DLC1: variants seen among roughly 807,000 people sequenced by gnomAD.
DLC1 encodes DLC1 Rho GTPase activating protein, also known as rho GTPase-activating protein 7.
In DLC1, 54 loss-of-function variants were observed where a neutral mutation model predicts 140.3. That is an observed-to-expected ratio of 0.38 (90% CI 0.31 to 0.48). DLC1 has a LOEUF of 0.48. Ranked by LOEUF, DLC1 falls within the 20% of genes least tolerant of loss-of-function variation. The pLI is 0.96. For missense variants in DLC1, 2,536 were observed against 1,907.0 expected (o/e 1.33, Z -6.14); for synonymous variants, 986 against 728.1 (o/e 1.35, Z -5.70).
In DLC1 at chr8:13,298,107, G is replaced by A. The variant is rs1832038022; in HGVS notation, c.1348+7162C>T. Among the ~76,000 whole-genome samples the A allele has an allele frequency of 2.0e-5, 3 of 152,172 alleles. No individual in the cohort carries two copies. In the South Asian group the frequency reaches 6.2e-4, roughly 32 times the overall value. ...ACAACACAAAGTTTGGAGAGACCGT[G>A]ACTCTGGTATATGCTTCTGAAAGCT... On this transcript the variant is annotated intron_variant, in intron 5 of 17. Transcript: ENST00000276297.
intron 5 of DLC1, among the ~76,000 whole-genome samples, chr8:13,300,023 G>A (rs1362748915): frequency 6.6e-6 from 1 of 152,132 alleles, no homozygotes; most frequent in African/African-American, 2.4e-5. Flanking sequence ...CAAAGACATG[G>A]AATCAACCCA....
At chr8:13,493,749 C>T (rs1223049738) in intron 2 of DLC1, among the ~76,000 whole-genome samples, 1 of 152,110 alleles carries the variant, frequency 6.6e-6, no homozygotes, top group African/African-American at 2.4e-5. Context: ...CAGTCAGCCT[C>T]CTACTTTGGT....
intron 1 of DLC1, chr8:13,558,849 C>T: frequency 6.6e-6 from 1 of 152,144 alleles, no homozygotes; most frequent in East Asian, 1.9e-4. Context: ...TGAGTGAGTT[C>T]AGGAGGGCCG....
intron 2 of DLC1, among the ~76,000 whole-genome samples, chr8:13,483,598 C>T (rs1394593750): frequency 6.6e-6 from 1 of 151,990 alleles, no homozygotes; most frequent in African/African-American, 2.4e-5. Context: ...GGAGAGCTTT[C>T]AGGGAGAGAG....
At chr8:13,109,573 TA>T (rs1330538802) in intron 7 of DLC1, among the ~76,000 whole-genome samples, 1 of 129,758 alleles carries the variant, frequency 7.7e-6, no homozygotes, top group African/African-American at 2.8e-5. Flanking sequence ...TAAAAAAAAA[TA>T]AAATAAAAAA....
chr8:13,377,430 AG>A (rs1836048163), intron 4 of DLC1, among the ~76,000 whole-genome samples: 2 of 152,192 alleles, frequency 1.3e-5, no homozygotes, highest in African/African-American at 4.8e-5. Context: ...TGTTGTAAGG[AG>A]GACAGTTATT....
Position 13,393,134 on chromosome 8 carries a change from G to GTCCA in DLC1, c.1314+415_1314+418dup, listed in dbSNP as rs200774562. On this transcript the variant is annotated intron_variant, in intron 4 of 17. Transcript: ENST00000276297. ...TCCTTATCAATCAATCAGTCTATCTGTCCATCCATCCATCCATCCATCCAT... is the reference window on the plus strand; with the variant it reads ...TCCTTATCAATCAATCAGTCTATCTGTCCATCCATCCATCCATCCATCCATCCAT... Among the ~76,000 whole-genome samples the GTCCA allele has an allele frequency of 1.1e-3, 170 of 151,512 alleles. 1 individual carries two copies. Among genetic ancestry groups the GTCCA allele is most frequent in the Middle Eastern group, 3.4e-3 (1 of 292 alleles).
intron 5 of DLC1, among the ~76,000 whole-genome samples, chr8:13,187,465 A>G (rs1435249186): frequency 6.6e-6 from 1 of 152,186 alleles, no homozygotes. Flanking sequence ...TGGTATCTTG[A>G]AAATGCTAGG....
chr8:13,438,939 T>C (rs1839240551), intron 2 of DLC1, among the ~76,000 whole-genome samples: 1 of 152,208 alleles, frequency 6.6e-6, no homozygotes. Context: ...ATCTCTGTTG[T>C]GACTAGTTAG....
intron 4 of DLC1, among the ~76,000 whole-genome samples, chr8:13,364,470 G>T (rs1835388391): frequency 6.6e-6 from 1 of 152,012 alleles, no homozygotes; most frequent in Non-Finnish European, 1.5e-5. Context: ...GGCTAATTTT[G>T]TATTTTTAGC....
At chr8:13,551,100 T>G (rs1803834270) in intron 1 of DLC1, among the ~76,000 whole-genome samples, 1 of 146,648 alleles carries the variant, frequency 6.8e-6, no homozygotes, top group African/African-American at 2.5e-5. Flanking sequence ...CAAAGAACAC[T>G]TTGTGAGGAA....
chr8:13,169,988 C>A (rs1422863171), intron 5 of DLC1, among the ~76,000 whole-genome samples: 1 of 151,578 alleles, frequency 6.6e-6, no homozygotes, highest in Non-Finnish European at 1.5e-5. Context: ...CTGTGGCACT[C>A]CAGCCTGGCA....
chr8:13,468,981 C>T (rs1055142722), intron 2 of DLC1, among the ~76,000 whole-genome samples: 1 of 151,914 alleles, frequency 6.6e-6, no homozygotes, highest in African/African-American at 2.4e-5. Context: ...CCATCACGCT[C>T]AGCTAATTTT....
At chr8:13,581,553 C>G (rs149052340) in intron 1 of DLC1, among the ~76,000 whole-genome samples, 1 of 152,120 alleles carries the variant, frequency 6.6e-6, no homozygotes, top group African/African-American at 2.4e-5. Context: ...TTATCTAATC[C>G]AATCCATTTA....
intron 5 of DLC1, among the ~76,000 whole-genome samples, chr8:13,135,590 G>A (rs1410139936): frequency 6.6e-6 from 1 of 152,106 alleles, no homozygotes; most frequent in Non-Finnish European, 1.5e-5. Context: ...GTGCACCTTC[G>A]AAACATACTA....
At chr8:13,394,701 G>T (rs768097129) in intron 3 of DLC1, among the ~76,000 whole-genome samples, 1 of 151,918 alleles carries the variant, frequency 6.6e-6, no homozygotes, top group Non-Finnish European at 1.5e-5. Context: ...ATCATGTCCC[G>T]CACCCCAACT....
At chr8:13,493,424 G>C (rs1428911863) in intron 2 of DLC1, among the ~76,000 whole-genome samples, 2 of 151,940 alleles carry the variant, frequency 1.3e-5, no homozygotes, top group South Asian at 2.1e-4. Context: ...AAATTTTTCA[G>C]TTGATACATA....
intron 10 of DLC1, chr8:13,096,097 C>T (rs1358560709): frequency 1.3e-5 from 2 of 152,270 alleles, no homozygotes; most frequent in Non-Finnish European, 2.9e-5. Context: ...TCCAAATGAC[C>T]TCTCTGAACA....
At chr8:13,394,447 T>C (rs960313893) in intron 3 of DLC1, among the ~76,000 whole-genome samples, 2 of 152,124 alleles carry the variant, frequency 1.3e-5, no homozygotes, top group African/African-American at 4.8e-5. Context: ...TCAAGACATG[T>C]CTGTTGAGTG....
Sources: allele counts gnomAD v4.1 joint callset (sites outside exome capture counted in the v4.1 genomes callset), GRCh38; gene constraint gnomAD v4.1.1; transcripts MANE v1.5; gene names NCBI Gene and HGNC (gene_info 2026-07-23, HGNC 2026-07-21).